PAK1: variants seen among roughly 807,000 people sequenced by gnomAD.
The protein encoded by PAK1 is serine/threonine-protein kinase PAK 1.
Under a neutral mutation model 67.4 loss-of-function variants are expected in PAK1, and 29 were observed. The ratio of observed to expected loss-of-function variants is 0.43; its 90% CI spans 0.32 to 0.59. The LOEUF is 0.59. Ranked by LOEUF, PAK1 falls within the 20% of genes least tolerant of loss-of-function variation. The probability of loss-of-function intolerance (pLI) is 0.07; values close to 1 mark genes in which losing one functional copy is unlikely to be tolerated. For missense variants in PAK1, 337 were observed against 670.7 expected, an observed-to-expected ratio of 0.50 and a Z score of 5.50; for synonymous variants, 223 against 237.4, an observed-to-expected ratio of 0.94 and a Z score of 0.56.
At chr11:77,335,464 A>C (rs1452554986) in intron 13 of PAK1, among the ~76,000 whole-genome samples, 2 of 152,198 alleles carry the variant, frequency 1.3e-5, no homozygotes, top group East Asian at 1.9e-4. Flanking sequence ...TTCAGACCAG[A>C]AATCTTGTAG....
At chr11:77,491,477 C>T in the PAK1 span, among the ~76,000 whole-genome samples, 2 of 151,634 alleles carry the variant, frequency 1.3e-5, no homozygotes, top group Non-Finnish European at 2.9e-5. Context: ...TGCAGTGAGC[C>T]ATGATCGTGT....
chr11:77,385,814 C>T (rs1347561765), intron 2 of PAK1, among the ~76,000 whole-genome samples: 3 of 151,876 alleles, frequency 2.0e-5, no homozygotes, highest in Non-Finnish European at 4.4e-5. Context: ...GCTGAGATCG[C>T]GCCACTGCAC....
chr11:77,514,241 C>T, the PAK1 span, among the ~76,000 whole-genome samples: 1 of 152,138 alleles, frequency 6.6e-6, no homozygotes, highest in Admixed American at 6.5e-5. Flanking sequence ...CGCCTGTAAT[C>T]CTAACACTTT....
At chr11:77,423,332 TAAAAAA>T (rs142590494) in intron 1 of PAK1, among the ~76,000 whole-genome samples, 1 of 134,390 alleles carries the variant, frequency 7.4e-6, no homozygotes, top group East Asian at 2.1e-4. Flanking sequence ...CCAAGTTCTT[TAAAAAA>T]AAAAAAAACA....
chr11:77,433,018 TGA>T (rs1172381609), intron 1 of PAK1, among the ~76,000 whole-genome samples: 3 of 152,332 alleles, frequency 2.0e-5, no homozygotes, highest in Non-Finnish European at 4.4e-5. Flanking sequence ...TAAATGGAAC[TGA>T]GAGTCAAGAA....
intron 1 of PAK1, among the ~76,000 whole-genome samples, chr11:77,419,976 GA>G (rs201231144): frequency 6.6e-6 from 1 of 151,888 alleles, no homozygotes; most frequent in East Asian, 1.9e-4. Context: ...AGATGGAAAC[GA>G]AAAAAGATAT....
the PAK1 span, among the ~76,000 whole-genome samples, chr11:77,525,705 G>A: frequency 3.3e-5 from 5 of 152,210 alleles, no homozygotes; most frequent in Non-Finnish European, 5.9e-5. Flanking sequence ...CGACAGAAGG[G>A]TGGTTTACAA....
chr11:77,485,463 AATTTT>A, the PAK1 span, among the ~76,000 whole-genome samples: 10 of 143,890 alleles, frequency 6.9e-5, no homozygotes. Context: ...TACCCACAAA[AATTTT>A]AAAATAAAAA....
At chr11:77,472,407 G>C (rs1957904418) in intron 1 of PAK1, among the ~76,000 whole-genome samples, 1 of 152,242 alleles carries the variant, frequency 6.6e-6, no homozygotes, top group Non-Finnish European at 1.5e-5. Context: ...CCAATGGGAA[G>C]AAATCAGCTC....
chr11:77,332,152 TA>T (rs947356590), intron 14 of PAK1, among the ~76,000 whole-genome samples: 3 of 149,808 alleles, frequency 2.0e-5, no homozygotes, highest in Non-Finnish European at 4.4e-5. Context: ...AAAAAGTTTT[TA>T]AAAAACTAGC....
chr11:77,354,917 TGAAACACA>T (rs1945799332), intron 7 of PAK1, among the ~76,000 whole-genome samples: 1 of 152,224 alleles, frequency 6.6e-6, no homozygotes, highest in African/African-American at 2.4e-5. Context: ...TGCAGTTTAC[TGAAACACA>T]GAAATAAGCT....
intron 1 of PAK1, among the ~76,000 whole-genome samples, chr11:77,415,847 T>C (rs1342191055): frequency 6.6e-6 from 1 of 152,128 alleles, no homozygotes; most frequent in African/African-American, 2.4e-5. Flanking sequence ...TTTTACTTTA[T>C]AAACTTTTTA....
At chr11:77,448,680 T>C (rs1360589224) in intron 1 of PAK1, among the ~76,000 whole-genome samples, 7 of 152,170 alleles carry the variant, frequency 4.6e-5, no homozygotes, top group African/African-American at 1.7e-4. Context: ...TGAGAAAGAA[T>C]GTTTGGCTTA....
At chr11:77,509,886 G>A in the PAK1 span, among the ~76,000 whole-genome samples, 2 of 152,176 alleles carry the variant, frequency 1.3e-5, no homozygotes, top group African/African-American at 2.4e-5. Context: ...GCAGAACCAT[G>A]AGCCAATTAA....
the PAK1 span, among the ~76,000 whole-genome samples, chr11:77,522,986 A>G: frequency 4.7e-4 from 72 of 152,318 alleles, 1 homozygote; most frequent in Admixed American, 1.1e-3. Flanking sequence ...GTCAAACACC[A>G]CATGTTCTCA....
intron 1 of PAK1, among the ~76,000 whole-genome samples, chr11:77,459,950 C>A (rs1771788160): frequency 6.6e-6 from 1 of 151,954 alleles, no homozygotes. Context: ...CCTGCCTAGG[C>A]CTCCCAAAGT....
chr11:77,338,998 T>A (rs534567963), intron 11 of PAK1, among the ~76,000 whole-genome samples: 1 of 152,188 alleles, frequency 6.6e-6, no homozygotes, highest in South Asian at 2.1e-4. Context: ...GGATCTAAAA[T>A]TCATTATGAT....
chr11:77,342,120 G>A (rs1202336456), intron 10 of PAK1, among the ~76,000 whole-genome samples: 1 of 152,176 alleles, frequency 6.6e-6, no homozygotes, highest in Non-Finnish European at 1.5e-5. Context: ...TCATCCATAT[G>A]TGATGGAGTT....
At chr11:77,329,068 C>T (rs1451337299) in intron 14 of PAK1, 2 of 152,208 alleles carry the variant, frequency 1.3e-5, no homozygotes, top group Admixed American at 1.3e-4. Flanking sequence ...CATACATCCT[C>T]CCAAGACTAA....
Sources: gnomAD v4.1 joint callset for allele counts (sites outside exome capture counted in the v4.1 genomes callset) on GRCh38, gnomAD v4.1.1 for gene constraint, MANE v1.5 for transcripts, NCBI Gene and HGNC (gene_info 2026-07-23, HGNC 2026-07-21) for gene names.